MAP3K2: variants seen among roughly 807,000 people sequenced by gnomAD.
MAP3K2 encodes MAP/ERK kinase kinase 2.
A neutral mutation model predicts 80.3 loss-of-function variants in MAP3K2; 24 were observed. The ratio of observed to expected loss-of-function variants is 0.30; its 90% CI spans 0.22 to 0.42. The LOEUF (loss-of-function observed/expected upper bound fraction) is 0.42. Ranked by LOEUF, MAP3K2 falls within the 10% of genes least tolerant of loss-of-function variation. The pLI is 1.00. For missense variants in MAP3K2, 608 were observed against 750.1 expected (o/e 0.81, Z 2.21); for synonymous variants, 244 against 253.7 (o/e 0.96, Z 0.36).
intron 4 of MAP3K2, among the ~76,000 whole-genome samples, chr2:127,336,616 A>T (rs1686377929): frequency 6.6e-6 from 1 of 152,224 alleles, no homozygotes; most frequent in Non-Finnish European, 1.5e-5. Flanking sequence ...CCTAGCATAT[A>T]CTAAGTACTC....
intron 13 of MAP3K2, 108 bp downstream of exon 13, chr2:127,318,061 T>TC (rs1231991021): frequency 5.2e-6 from 5 of 953,242 alleles, no homozygotes; most frequent in Non-Finnish European, 7.3e-6. Flanking sequence ...TTTTTTTTTT[T>TC]TGAAAAAAAA....
chr2:127,358,335 T>C, intron 1 of MAP3K2, among the ~76,000 whole-genome samples: 1 of 152,230 alleles, frequency 6.6e-6, no homozygotes, highest in South Asian at 2.1e-4. Context: ...CTGTTGAGAA[T>C]GTCAAATGGT....
At chr2:127,333,131 CAAAAAA>C (rs34727603) in intron 5 of MAP3K2, among the ~76,000 whole-genome samples, 1 of 107,284 alleles carries the variant, frequency 9.3e-6, no homozygotes, top group Non-Finnish European at 1.9e-5. Flanking sequence ...GATGCTGTCT[CAAAAAA>C]AAAAAAAAAA....
chr2:127,357,459 G>T (rs888933774), intron 1 of MAP3K2, among the ~76,000 whole-genome samples: 1 of 152,328 alleles, frequency 6.6e-6, no homozygotes, highest in East Asian at 1.9e-4. Context: ...CTGTACTCCA[G>T]CCTGGGCAAG....
chr2:127,338,933 T>G lies in MAP3K2; in HGVS notation c.122A>C (p.Gln41Pro). The G allele has an allele frequency of 6.3e-7, 1 of 1,583,228 alleles. No homozygotes were observed. Among genetic ancestry groups the G allele is most frequent in the Non-Finnish European group, 8.6e-7 (1 of 1,159,978 alleles). ...RKAKSSSPKKQNDVRVKFEHR... is the reference protein window; with the variant it reads ...RKAKSSSPKKPNDVRVKFEHR... ...AAAAATACTTATTAAAATAAATACC[T>G]GTTTTTTTGGTGATGAAGATTTTGC... The change falls in exon 3 of 17, where the codon CAG becomes CCG. Residue 41 changes from glutamine (Q) to proline (P), a missense_variant and splice_region_variant. Transcript: ENST00000682094.
chr2:127,374,859 G>A (rs1308946409), intron 1 of MAP3K2, among the ~76,000 whole-genome samples: 10 of 152,082 alleles, frequency 6.6e-5, no homozygotes, highest in South Asian at 2.1e-4. Flanking sequence ...CAGGCATCCC[G>A]TATAACTCCC....
At chr2:127,388,228 TGTGCGCGGCGCATACGC>T, upstream of MAP3K2, 1 of 862,914 alleles carries the variant, frequency 1.2e-6, no homozygotes, top group African/African-American at 2.6e-5. Flanking sequence ...TGCTGTTCCG[TGTGCGCGGCGCATACGC>T]ACCTGGGTTG....
intron 1 of MAP3K2, among the ~76,000 whole-genome samples, chr2:127,371,843 T>C (rs1687070275): frequency 6.6e-6 from 1 of 152,156 alleles, no homozygotes; most frequent in Non-Finnish European, 1.5e-5. Context: ...GGGGAAACAT[T>C]GGGCAAATCA....
intron 4 of MAP3K2, among the ~76,000 whole-genome samples, chr2:127,336,869 C>T (rs1056019394): frequency 2.0e-5 from 3 of 152,078 alleles, no homozygotes; most frequent in African/African-American, 2.4e-5. Flanking sequence ...AGGCTGGGAG[C>T]GTGGGTCACG....
At chr2:127,368,357 T>C (rs1687008176) in intron 1 of MAP3K2, among the ~76,000 whole-genome samples, 1 of 150,804 alleles carries the variant, frequency 6.6e-6, no homozygotes, top group South Asian at 2.1e-4. Flanking sequence ...GCATGGTGGC[T>C]CACACCTGTA....
At chr2:127,314,012 T>G (rs1320955010) in intron 15 of MAP3K2, among the ~76,000 whole-genome samples, 1 of 152,180 alleles carries the variant, frequency 6.6e-6, no homozygotes, top group Non-Finnish European at 1.5e-5. Flanking sequence ...TGTCTAAATT[T>G]GGGGCCACAA....
rs547060366 is a variant in MAP3K2 at position 127,338,073 on chromosome 2, T to A, written c.124-295A>T. ...TCCTGTTATGGGAAATACAGAATAT[T>A]ATATTTTTATGTGTCATGCTGAGTA... On this transcript the variant is annotated intron_variant, in intron 3 of 16. Transcript: ENST00000682094. Among the ~76,000 whole-genome samples, 4 of 152,298 alleles carry A rather than the reference T, an allele frequency of 2.6e-5. No homozygotes were observed. The East Asian group carries it at 5.8e-4, about 22-fold the overall frequency.
intron 1 of MAP3K2, among the ~76,000 whole-genome samples, chr2:127,344,478 C>T (rs753734526): frequency 4.1e-4 from 55 of 135,798 alleles, no homozygotes; most frequent in Non-Finnish European, 7.2e-4. Context: ...AGGGAGACTC[C>T]CATTTCCACC....
At position 127,305,500 on chromosome 2, in the gene MAP3K2, C is replaced by T. The variant is rs571912959; in HGVS notation, c.*2079G>A. The T allele has an allele frequency of 3.3e-5, 5 of 152,094 alleles. No homozygotes were observed. The South Asian group carries it at 1.0e-3, about 32-fold the overall frequency. The allele number at this position is 152,094 out of a possible 1,614,324, so 9.4% of individuals were successfully genotyped here. On this transcript the variant is annotated 3_prime_UTR_variant, in exon 17 of 17. Transcript: ENST00000682094. The stretch of plus-strand genomic sequence containing the variant: ...ATTTCAAATATTCCTACAGGGAATG[C>T]TAGGTAGGACCTTGGCACAGTAAAC...
intron 2 of MAP3K2, among the ~76,000 whole-genome samples, chr2:127,341,452 A>G (rs1362565037): frequency 6.6e-6 from 1 of 151,812 alleles, no homozygotes; most frequent in Admixed American, 6.6e-5. Context: ...GCGGGCTTGA[A>G]GAATTACTAC....
intron 1 of MAP3K2, among the ~76,000 whole-genome samples, chr2:127,374,057 T>A (rs984497242): frequency 6.6e-6 from 1 of 152,206 alleles, no homozygotes; most frequent in African/African-American, 2.4e-5. Context: ...ATGGCTCTGG[T>A]AAACATGGAA....
rs1686429996 is a variant in MAP3K2 at position 127,339,167 on chromosome 2, C to T, written c.5-117G>A. On this transcript the variant is annotated intron_variant, in intron 2 of 16. Transcript: ENST00000682094. The surrounding 1 kb of genome is among the most constrained non-coding windows in gnomAD (Gnocchi z 4.2). ...ATTTGATGTAGAGAATGTATTAATG[C>T]AAAAATGCATCTAGAACATTTTTAA... 7.9e-6 allele frequency: 5 copies of T among 630,796 alleles called. No homozygotes were observed. The South Asian group carries it at 1.2e-4, about 15-fold the overall frequency. The allele number at this position is 630,796 out of a possible 1,614,324, so 39.1% of individuals were successfully genotyped here. A position where few individuals can be genotyped will look rare whatever the true frequency, so the allele number is the denominator to read the frequency against.
chr2:127,346,717 G>A (rs968498944), intron 1 of MAP3K2, among the ~76,000 whole-genome samples: 3 of 149,772 alleles, frequency 2.0e-5, no homozygotes, highest in Non-Finnish European at 3.0e-5. Context: ...GGCAGGCACA[G>A]TGGCTCATGC....
chr2:127,328,550 T>C (rs950960276), intron 7 of MAP3K2, among the ~76,000 whole-genome samples: 1 of 152,236 alleles, frequency 6.6e-6, no homozygotes, highest in African/African-American at 2.4e-5. Flanking sequence ...AATTTGGGTG[T>C]TTCAAATGTT....
Sources: gnomAD v4.1 joint callset for allele counts (sites outside exome capture counted in the v4.1 genomes callset) on GRCh38, gnomAD v4.1.1 for gene constraint, Gnocchi (gnomAD v3.1) non-coding constraint, MANE v1.5 for transcripts, NCBI Gene and HGNC (gene_info 2026-07-23, HGNC 2026-07-21) for gene names.